ASCL5: variants seen among roughly 807,000 people sequenced by gnomAD.
ASCL5 encodes the protein achaete-scute homolog 5.
For missense variants in ASCL5, 262 were observed against 268.9 expected (o/e 0.97, Z 0.18); for synonymous variants, 124 against 131.5 (o/e 0.94, Z 0.39).
Position 201,115,665 on chromosome 1 carries a change from G to A in ASCL5, c.-293C>T, listed in dbSNP as rs1201141150. ...GCACCCCGTTCCGCAGCACCCATGGGCATGGCCACAGACCCGCCCACCCTG... is the reference window on the plus strand; with the variant it reads ...GCACCCCGTTCCGCAGCACCCATGGACATGGCCACAGACCCGCCCACCCTG... On this transcript the variant is annotated 5_prime_UTR_variant, in exon 2 of 2. Coordinates refer to ENST00000449188, the MANE Select transcript of ASCL5 (RefSeq NM_001270601.2). 8.4e-6 allele frequency: 2 copies of A among 238,296 alleles called. No individual in the cohort carries two copies. Among genetic ancestry groups the A allele is most frequent in the Non-Finnish European group, 8.0e-6 (1 of 124,634 alleles). The allele number at this position is 238,296 out of a possible 1,614,324, so 14.8% of individuals were successfully genotyped here. A position where few individuals can be genotyped will look rare whatever the true frequency, so the allele number is the denominator to read the frequency against.
rs537291487 is a variant in ASCL5 at position 201,116,896 on chromosome 1, C to T, written c.-505-1019G>A. On this transcript the variant is annotated intron_variant, in intron 1 of 1. Transcript: ENST00000449188. Reference sequence around the variant, plus strand: ...ACTTAGCGAGTGAGTGAGTGATGGGCAGCATGACACCTTGGCCACTGGGCA... The same window carrying T: ...ACTTAGCGAGTGAGTGAGTGATGGGTAGCATGACACCTTGGCCACTGGGCA... 7.7e-4 allele frequency among the ~76,000 whole-genome samples: 117 copies of T among 152,266 alleles called. 1 individual carries two copies. Among genetic ancestry groups the T allele is most frequent in the Middle Eastern group, 6.8e-3 (2 of 294 alleles).
intron 1 of ASCL5, among the ~76,000 whole-genome samples, chr1:201,118,230 G>A (rs1465445454): frequency 1.3e-5 from 2 of 152,030 alleles, no homozygotes; most frequent in African/African-American, 2.4e-5. Context: ...CTGTAATCCC[G>A]GCACTTTGTG....
chr1:201,120,439 C>T (rs1663431759), intron 1 of ASCL5, among the ~76,000 whole-genome samples: 2 of 152,184 alleles, frequency 1.3e-5, no homozygotes, highest in Non-Finnish European at 2.9e-5. Context: ...CCTGTCTCCC[C>T]ACCCTCCTCA....
intron 1 of ASCL5, among the ~76,000 whole-genome samples, chr1:201,120,433 T>A (rs1382172216): frequency 6.6e-6 from 1 of 152,076 alleles, no homozygotes; most frequent in Non-Finnish European, 1.5e-5. Context: ...CAGGGCCCTG[T>A]CTCCCCACCC....
At chr1:201,125,961 C>T (rs1190087429) in intron 1 of ASCL5, among the ~76,000 whole-genome samples, 2 of 152,152 alleles carry the variant, frequency 1.3e-5, no homozygotes, top group African/African-American at 2.4e-5. Context: ...AAACTGCCTC[C>T]TCGGGGAGCA....
At position 201,114,918 on chromosome 1, in the gene ASCL5, C is replaced by G; in HGVS notation, c.455G>C (p.Arg152Pro). ...APDGSTPPAS[R>P]GLPGTGPCPA... Reference sequence around the variant, plus strand: ...GCAGGGCCCGGTGCCCGGGAGGCCGCGGGAAGCGGGGGGCGTCGAGCCGTC... The same window carrying G: ...GCAGGGCCCGGTGCCCGGGAGGCCGGGGGAAGCGGGGGGCGTCGAGCCGTC... Residue 152 changes from arginine (R) to proline (P), a missense_variant, in exon 2 of 2, where the codon CGC becomes CCC. Transcript: ENST00000449188. The G allele has an allele frequency of 8.1e-7, 1 of 1,230,584 alleles. No homozygotes were observed. Among genetic ancestry groups the G allele is most frequent in the Non-Finnish European group, 1.0e-6 (1 of 987,222 alleles). 76.2% of individuals were successfully genotyped at this position (1,230,584 alleles called of 1,614,324 possible). A position where few individuals can be genotyped will look rare whatever the true frequency, so the allele number is the denominator to read the frequency against.
chr1:201,125,767 A>G (rs1663567746), intron 1 of ASCL5, among the ~76,000 whole-genome samples: 1 of 152,140 alleles, frequency 6.6e-6, no homozygotes, highest in Admixed American at 6.5e-5. Flanking sequence ...AAGTAGCCTG[A>G]TGTGGAGGGG....
intron 1 of ASCL5, among the ~76,000 whole-genome samples, chr1:201,123,514 A>C (rs1036289967): frequency 2.0e-5 from 3 of 152,226 alleles, no homozygotes; most frequent in African/African-American, 4.8e-5. Flanking sequence ...GGTATCCCCA[A>C]CTTACAGATG....
At position 201,114,664 on chromosome 1, in the gene ASCL5, G is replaced by C; in HGVS notation, c.*88C>G. On this transcript the variant is annotated 3_prime_UTR_variant, in exon 2 of 2. Transcript: ENST00000449188. The stretch of plus-strand genomic sequence containing the variant: ...TACAGTCACCGTCCTGCGGCGCATC[G>C]CGGGTGACCCAACAGCCTCCCGCTG... 8.8e-7 allele frequency: 1 copy of C among 1,140,314 alleles called. No individual in the cohort carries two copies. Among genetic ancestry groups the C allele is most frequent in the Non-Finnish European group, 1.1e-6 (1 of 907,028 alleles). 70.6% of individuals were successfully genotyped at this position (1,140,314 alleles called of 1,614,324 possible). A position where few individuals can be genotyped will look rare whatever the true frequency, so the allele number is the denominator to read the frequency against.
At chr1:201,118,194 G>T (rs1340012128) in intron 1 of ASCL5, among the ~76,000 whole-genome samples, 1 of 152,158 alleles carries the variant, frequency 6.6e-6, no homozygotes, top group African/African-American at 2.4e-5. Context: ...GAAAAGAACT[G>T]ATAAGCCAGG....
Position 201,115,269 on chromosome 1 carries a change from G to A in ASCL5, c.104C>T (p.Pro35Leu). Residue 35 changes from proline to leucine, a missense_variant, in exon 2 of 2, where the codon CCC becomes CTC. Physicochemically the swap from Pro to Leu is moderately conservative, Grantham distance 98. Coordinates refer to ENST00000449188, the MANE Select transcript of ASCL5 (RefSeq NM_001270601.2). ...VMPPPRQAPL[P>L]PAEPLGNVPF... ...CACGTTGCCCAGGGGCTCGGCGGGG[G>A]GCAGGGGCGCCTGCCGGGGAGGGGG... 4.9e-6 allele frequency: 6 copies of A among 1,231,498 alleles called. No individual in the cohort carries two copies. The highest frequency in any genetic ancestry group is 6.1e-6 in the Non-Finnish European group (6 of 987,824). The allele number at this position is 1,231,498 out of a possible 1,614,324, so 76.3% of individuals were successfully genotyped here.
intron 1 of ASCL5, among the ~76,000 whole-genome samples, chr1:201,116,600 C>G (rs1663353933): frequency 6.6e-6 from 1 of 152,170 alleles, no homozygotes; most frequent in Admixed American, 6.5e-5. Context: ...AGGCAGAAAG[C>G]TGGGTTTGTC....
rs567488796 is a variant in ASCL5 at position 201,123,061 on chromosome 1, A to T, written c.-506+4023T>A. ...CTCCCAGAAGCTCTAGGACCCTTGGATGTGGCTAAGAGAAGCCCAGGACGG... is the reference window on the plus strand; with the variant it reads ...CTCCCAGAAGCTCTAGGACCCTTGGTTGTGGCTAAGAGAAGCCCAGGACGG... On this transcript the variant is annotated intron_variant, in intron 1 of 1. Transcript: ENST00000449188. Among the ~76,000 whole-genome samples the T allele has an allele frequency of 9.2e-5, 14 of 152,272 alleles. No homozygotes were observed. In the East Asian group the frequency reaches 2.3e-3, roughly 25 times the overall value.
At chr1:201,118,497 A>C (rs1266802583) in intron 1 of ASCL5, among the ~76,000 whole-genome samples, 16 of 152,094 alleles carry the variant, frequency 1.1e-4, no homozygotes, top group Non-Finnish European at 5.9e-5. Flanking sequence ...GAAAAAAAAA[A>C]AAAAAGAGAA....
chr1:201,115,357 A>C lies in ASCL5; in HGVS notation c.16T>G (p.Cys6Gly), dbSNP rs1663318405. The C allele has an allele frequency of 1.6e-6, 2 of 1,231,460 alleles. No individual in the cohort carries two copies. Among genetic ancestry groups the C allele is most frequent in the Non-Finnish European group, 2.0e-6 (2 of 987,782 alleles). The allele number at this position is 1,231,460 out of a possible 1,614,324, so 76.3% of individuals were successfully genotyped here. MNNNF[C>G]RALVDRRPLG... is the part of the protein sequence containing the mutation. ...GGCCTCCGGTCCACCAGAGCCCGGC[A>C]GAAGTTATTGTTCATGGTGCCGCGT... The change falls in exon 2 of 2, where the codon TGC becomes GGC. Residue 6 changes from cysteine to glycine, a missense_variant. Coordinates refer to ENST00000449188, the MANE Select transcript of ASCL5 (RefSeq NM_001270601.2).
intron 1 of ASCL5, among the ~76,000 whole-genome samples, chr1:201,125,264 C>A (rs181233833): frequency 2.0e-5 from 3 of 152,354 alleles, no homozygotes; most frequent in Admixed American, 1.3e-4. Context: ...TAATCAACAG[C>A]TGTTCACACT....
At chr1:201,126,505 T>C (rs1251105379) in intron 1 of ASCL5, among the ~76,000 whole-genome samples, 1 of 152,204 alleles carries the variant, frequency 6.6e-6, no homozygotes, top group Admixed American at 6.5e-5. Flanking sequence ...AATAGCATGA[T>C]TAAAAACAAC....
At chr1:201,117,929 C>T (rs553543116) in intron 1 of ASCL5, among the ~76,000 whole-genome samples, 1 of 152,312 alleles carries the variant, frequency 6.6e-6, no homozygotes, top group East Asian at 1.9e-4. Context: ...ATCCAGACTA[C>T]ACTCTCCCAT....
At chr1:201,117,098 T>C (rs188577167) in intron 1 of ASCL5, among the ~76,000 whole-genome samples, 2 of 152,166 alleles carry the variant, frequency 1.3e-5, no homozygotes, top group East Asian at 3.9e-4. Context: ...CCAAGAAAAA[T>C]CAACAATGAT....
Sources: allele counts gnomAD v4.1 joint callset (sites outside exome capture counted in the v4.1 genomes callset), GRCh38; gene constraint gnomAD v4.1.1; transcripts MANE v1.5; gene names NCBI Gene and HGNC (gene_info 2026-07-23, HGNC 2026-07-21).